The following HTT variants were observed in gnomAD, a reference collection of about 807,000 sequenced individuals.
HTT encodes the protein huntingtin.
A neutral mutation model predicts 362.3 loss-of-function variants in HTT; 104 were observed. The observed-to-expected ratio is 0.29, with a 90% CI of 0.24 to 0.34. The LOEUF is 0.34. HTT is among the 10% of genes least tolerant of loss of function. HTT has a pLI of 1.00. For synonymous variants in HTT, 1,577 were observed against 1,548.7 expected (o/e 1.02, Z -0.43); for missense variants, 3,301 against 3,928.6 (o/e 0.84, Z 4.27).
intron 29 of HTT, among the ~76,000 whole-genome samples, chr4:3,169,003 A>ATTCTTTCTTTCTTTCTTTCTTTCT (rs113879546): frequency 1.4e-4 from 20 of 143,524 alleles, no homozygotes; most frequent in African/African-American, 4.8e-4. Flanking sequence ...ATTTTAGGCC[A>ATTCTTTCTTTCTTTCTTTCTTTCT]TTCTTTCTTT....
Position 3,208,917 on chromosome 4 carries a change from T to C in HTT, c.6291+6T>C. 3 of 1,606,694 alleles carry C rather than the reference T, an allele frequency of 1.9e-6. No homozygotes were observed. The highest frequency in any genetic ancestry group is 1.7e-4 in the Middle Eastern group (1 of 6,026). ...AAACAGTGAGTCCGGACAAAGTAAG[T>C]GTCCAGCGTGTCTGCATGGGAGGCA... is the stretch of plus-strand genomic sequence containing the variant. On this transcript the variant is annotated splice_donor_region_variant and intron_variant, in intron 46 of 66. Transcript: ENST00000355072.
At chr4:3,239,682 G>C (rs900649534) in intron 66 of HTT, among the ~76,000 whole-genome samples, 164 bp from the exon 67 acceptor site, 1 of 152,174 alleles carries the variant, frequency 6.6e-6, no homozygotes, top group Non-Finnish European at 1.5e-5. Context: ...AGGTGGAGGC[G>C]CTGATGCAGC....
At chr4:3,120,540 A>C (rs1715247399) in intron 8 of HTT, among the ~76,000 whole-genome samples, 1 of 152,228 alleles carries the variant, frequency 6.6e-6, no homozygotes, top group Non-Finnish European at 1.5e-5. Flanking sequence ...AGTGAGCAGC[A>C]GGTGAGCTGG....
chr4:3,135,076 C>T (rs948176429), intron 19 of HTT, among the ~76,000 whole-genome samples: 4 of 151,586 alleles, frequency 2.6e-5, no homozygotes, highest in African/African-American at 9.7e-5. Flanking sequence ...TAGTCCTCGT[C>T]ATTTAAGTAT....
intron 1 of HTT, among the ~76,000 whole-genome samples, chr4:3,078,884 G>C (rs1004070184): frequency 1.3e-5 from 2 of 152,150 alleles, no homozygotes; most frequent in African/African-American, 4.8e-5. Context: ...ACAGGCGCCT[G>C]CCACCACGTC....
At chr4:3,113,168 A>G (rs1714849788) in intron 6 of HTT, 1 of 201,298 alleles carries the variant, frequency 5.0e-6, no homozygotes, top group African/African-American at 2.4e-5. Context: ...GGCTTGGAGA[A>G]GGGATTCTTG....
chr4:3,120,663 T>A (rs550976649), intron 8 of HTT, among the ~76,000 whole-genome samples: 2 of 152,338 alleles, frequency 1.3e-5, no homozygotes, highest in Non-Finnish European at 2.9e-5. Flanking sequence ...GTGCGCTCCT[T>A]ATGAGAATCT....
rs186743080 is a variant in HTT at position 3,155,758 on chromosome 4, C to A, written c.3626-1314C>A. 7.9e-3 allele frequency among the ~76,000 whole-genome samples: 1,119 copies of A among 142,126 alleles called. 7 individuals are homozygous for A. The highest frequency in any genetic ancestry group is 0.015 in the African/African-American group (567 of 38,194). 93.2% of individuals were successfully genotyped at this position (142,126 alleles called of 152,430 possible). On this transcript the variant is annotated intron_variant, in intron 27 of 66. Coordinates refer to ENST00000355072, the MANE Select transcript of HTT (RefSeq NM_001388492.1). ...AAAAAAAAAAAAAAAAAAAGCCGGG[C>A]ATGGTGGCTCGCGCCAGTCGTCCCA...
At chr4:3,118,108 C>T (rs1428451810) in intron 8 of HTT, among the ~76,000 whole-genome samples, 2 of 152,132 alleles carry the variant, frequency 1.3e-5, no homozygotes, top group African/African-American at 4.8e-5. Flanking sequence ...ATACTGCTTC[C>T]ATCTCCACTG....
chr4:3,145,095 T>C, intron 23 of HTT, 57 bp from the exon 24 acceptor site: 3 of 1,230,060 alleles, frequency 2.4e-6, no homozygotes, highest in Admixed American at 3.4e-5. Context: ...ACAGGAGATA[T>C]AATTCAATAA....
intron 27 of HTT, among the ~76,000 whole-genome samples, chr4:3,156,294 A>AT (rs1360392800): frequency 6.6e-6 from 1 of 151,312 alleles, no homozygotes; most frequent in Non-Finnish European, 1.5e-5. Context: ...TAATTTTTGT[A>AT]TTTTTAGTAG....
intron 51 of HTT, among the ~76,000 whole-genome samples, chr4:3,215,959 C>G (rs1720375909): frequency 6.6e-6 from 1 of 152,190 alleles, no homozygotes; most frequent in Non-Finnish European, 1.5e-5. Context: ...TGTTGCCTGT[C>G]CCACAGAGGT....
At chr4:3,231,483 G>A (rs1721247772) in intron 60 of HTT, among the ~76,000 whole-genome samples, 1 of 152,200 alleles carries the variant, frequency 6.6e-6, no homozygotes, top group Non-Finnish European at 1.5e-5. Flanking sequence ...CACACAAAAT[G>A]CAGCAGAGGT....
At position 3,136,298 on chromosome 4, in the gene HTT, C is replaced by A. The variant is rs761630952; in HGVS notation, c.2770C>A (p.Arg924=). Reference sequence around the variant, plus strand: ...GCTTGGAGATGAAGACCCCAGGGTGCGACATGTTGCCGCAGCATCACTAAT... The same window carrying A: ...GCTTGGAGATGAAGACCCCAGGGTGAGACATGTTGCCGCAGCATCACTAAT... ...HLLGDEDPRV[R]HVAAASLIRL... The change falls in exon 21 of 67, where the codon CGA becomes AGA. Residue 924 remains arginine (R), a synonymous_variant. Coordinates refer to ENST00000355072, the MANE Select transcript of HTT (RefSeq NM_001388492.1). 1.9e-6 allele frequency: 3 copies of A among 1,604,602 alleles called. No homozygotes were observed. The South Asian group carries it at 3.3e-5, about 18-fold the overall frequency.
chr4:3,133,555 G>A (rs1222255865), intron 18 of HTT, among the ~76,000 whole-genome samples: 7 of 150,108 alleles, frequency 4.7e-5, no homozygotes, highest in Non-Finnish European at 7.4e-5. Flanking sequence ...CACTGTGCTA[G>A]GCCCATAGTA....
At position 3,157,124 on chromosome 4, in the gene HTT, A is replaced by G; in HGVS notation, c.3678A>G (p.Ser1226=). 6.2e-7 allele frequency: 1 copy of G among 1,612,942 alleles called. No individual in the cohort carries two copies. The highest frequency in any genetic ancestry group is 8.5e-7 in the Non-Finnish European group (1 of 1,178,976). The change falls in exon 28 of 67, where the codon TCA becomes TCG. Residue 1226 remains serine, a synonymous_variant. Transcript: ENST00000355072. Reference sequence around the variant, plus strand: ...CTGTTACAACAAGTAAATCCTCATCACTGGGGAGTTTCTATCATCTTCCTT... The same window carrying G: ...CTGTTACAACAAGTAAATCCTCATCGCTGGGGAGTTTCTATCATCTTCCTT... ...SGPVTTSKSS[S]LGSFYHLPSY... is the part of the protein sequence containing the mutation.
At chr4:3,117,657 C>G (rs545932090) in intron 8 of HTT, among the ~76,000 whole-genome samples, 13 of 151,930 alleles carry the variant, frequency 8.6e-5, no homozygotes, top group Admixed American at 8.5e-4. Flanking sequence ...GGAAACATGG[C>G]GAAACCCCAT....
chr4:3,170,888 A>G lies in HTT; in HGVS notation c.3865-1432A>G, dbSNP rs564187073. Among the ~76,000 whole-genome samples the G allele has an allele frequency of 1.3e-5, 2 of 152,302 alleles. 1 individual carries two copies. Among genetic ancestry groups the G allele is most frequent in the Admixed American group, 1.3e-4 (2 of 15,290 alleles). On this transcript the variant is annotated intron_variant, in intron 29 of 66. Coordinates refer to ENST00000355072, the MANE Select transcript of HTT (RefSeq NM_001388492.1). ...GTCCCTCACCCTCATTGTGCTCAGT[A>G]GTGGAAGTCTCACTCTATTACATTA...
At position 3,214,148 on chromosome 4, in the gene HTT, C is replaced by T. The variant is rs1472708128; in HGVS notation, c.6952+13C>T. On this transcript the variant is annotated intron_variant, in intron 50 of 66. Coordinates refer to ENST00000355072, the MANE Select transcript of HTT (RefSeq NM_001388492.1). ...ATCCTGGAGGCCGGTGAGTCCCCGT[C>T]CATGAACGGTGGGTTCCTATCATAG... is the stretch of plus-strand genomic sequence containing the variant. 6.8e-7 allele frequency: 1 copy of T among 1,472,740 alleles called. No homozygotes were observed. Among genetic ancestry groups the T allele is most frequent in the Non-Finnish European group, 9.1e-7 (1 of 1,098,120 alleles). The allele number at this position is 1,472,740 out of a possible 1,614,324, so 91.2% of individuals were successfully genotyped here. A position where few individuals can be genotyped will look rare whatever the true frequency, so the allele number is the denominator to read the frequency against.
Sources: allele counts gnomAD v4.1 joint callset (sites outside exome capture counted in the v4.1 genomes callset), GRCh38; gene constraint gnomAD v4.1.1; transcripts MANE v1.5; gene names NCBI Gene and HGNC (gene_info 2026-07-23, HGNC 2026-07-21).